Variants in SPRED1 observed in about 807,000 individuals in gnomAD.
SPRED1 encodes sprouty-related, EVH1 domain-containing protein 1.
A neutral mutation model predicts 52.3 loss-of-function variants in SPRED1; 18 were observed. The ratio of observed to expected loss-of-function variants is 0.34; its 90% CI spans 0.24 to 0.51. The LOEUF (loss-of-function observed/expected upper bound fraction) is 0.51. SPRED1 is among the 20% of genes least tolerant of loss of function. SPRED1 has a pLI of 0.97. For synonymous variants in SPRED1, 155 were observed against 179.7 expected, an observed-to-expected ratio of 0.86 and a Z score of 1.10; for missense variants, 485 against 551.0, an observed-to-expected ratio of 0.88 and a Z score of 1.20.
rs917624718 is a variant in SPRED1 at position 38,325,617 on chromosome 15, T to A, written c.423+808T>A. On this transcript the variant is annotated intron_variant, in intron 4 of 6. Coordinates refer to ENST00000299084, the MANE Select transcript of SPRED1 (RefSeq NM_152594.3). ...TTTTTTCTTATGCCTTTCAACTAAT[T>A]GCGTGAGGTCACCCACATTATGGAG... Among the ~76,000 whole-genome samples the A allele has an allele frequency of 3.3e-5, 5 of 152,256 alleles. No individual in the cohort carries two copies. The East Asian group carries it at 7.7e-4, about 24-fold the overall frequency.
At chr15:38,298,857 A>G (rs1424437424) in intron 1 of SPRED1, among the ~76,000 whole-genome samples, 7 of 152,332 alleles carry the variant, frequency 4.6e-5, no homozygotes, top group African/African-American at 1.4e-4. Context: ...TCAGATTCCC[A>G]GTTGGTAGAA....
chr15:38,255,838 G>A (rs1423623053), intron 1 of SPRED1, among the ~76,000 whole-genome samples: 2 of 151,990 alleles, frequency 1.3e-5, no homozygotes, highest in African/African-American at 2.4e-5. Flanking sequence ...TTTAATTACA[G>A]TAGGGACTAT....
At chr15:38,335,558 G>GTC (rs5812028) in intron 4 of SPRED1, among the ~76,000 whole-genome samples, 125,112 of 151,914 alleles carry the variant, frequency 0.82, 52,317 homozygotes, top group Non-Finnish European at 0.9. Flanking sequence ...GGTATAGTAT[G>GTC]TCTCAGTTAA....
At chr15:38,325,605 C>A (rs1377395120) in intron 4 of SPRED1, among the ~76,000 whole-genome samples, 1 of 152,064 alleles carries the variant, frequency 6.6e-6, no homozygotes, top group African/African-American at 2.4e-5. Context: ...TTTCTTATGC[C>A]TTTCAACTAA....
At chr15:38,332,824 G>A (rs1159704138) in intron 4 of SPRED1, among the ~76,000 whole-genome samples, 2 of 152,138 alleles carry the variant, frequency 1.3e-5, no homozygotes, top group Non-Finnish European at 2.9e-5. Context: ...TGCCGTGACT[G>A]GGTAGCTTAT....
At chr15:38,313,755 T>A (rs1895415735) in intron 2 of SPRED1, among the ~76,000 whole-genome samples, 1 of 151,770 alleles carries the variant, frequency 6.6e-6, no homozygotes. Context: ...TAATACATTT[T>A]TGGGTTTATT....
intron 2 of SPRED1, among the ~76,000 whole-genome samples, chr15:38,308,496 A>G (rs1895296283): frequency 6.6e-6 from 1 of 152,214 alleles, no homozygotes; most frequent in Non-Finnish European, 1.5e-5. Context: ...TTATCACCAC[A>G]TCTATTTCCG....
chr15:38,254,044 T>A (rs986962465), intron 1 of SPRED1, among the ~76,000 whole-genome samples: 14 of 152,216 alleles, frequency 9.2e-5, no homozygotes. Context: ...ATACTTCGTC[T>A]TTTAAATGTT....
intron 1 of SPRED1, among the ~76,000 whole-genome samples, chr15:38,270,095 C>T (rs1001920258): frequency 4.0e-5 from 6 of 151,860 alleles, no homozygotes; most frequent in South Asian, 2.1e-4. Flanking sequence ...TTAATAGAGA[C>T]GGGGTTTCAA....
chr15:38,328,090 C>T (rs1288607430), intron 4 of SPRED1, among the ~76,000 whole-genome samples: 1 of 152,120 alleles, frequency 6.6e-6, no homozygotes, highest in Admixed American at 6.6e-5. Flanking sequence ...TGTTAAGTTT[C>T]ATAATTCATC....
chr15:38,293,751 A>T (rs1894972256), intron 1 of SPRED1, among the ~76,000 whole-genome samples: 1 of 151,976 alleles, frequency 6.6e-6, no homozygotes, highest in African/African-American at 2.4e-5. Flanking sequence ...GTCAACTACT[A>T]TTTTCTTTCT....
chr15:38,348,028 G>T (rs1428523955), intron 5 of SPRED1, among the ~76,000 whole-genome samples: 1 of 151,996 alleles, frequency 6.6e-6, no homozygotes, highest in African/African-American at 2.4e-5. Context: ...GTGTGTATGT[G>T]TTTAAGTGGT....
intron 4 of SPRED1, among the ~76,000 whole-genome samples, chr15:38,332,335 A>T (rs1399021906): frequency 2.6e-5 from 4 of 152,132 alleles, no homozygotes; most frequent in African/African-American, 9.7e-5. Flanking sequence ...GCAGTTTGGG[A>T]GGATGAGATG....
At position 38,354,262 on chromosome 15, in the gene SPRED1, C is replaced by A. The variant is rs189861748; in HGVS notation, c.*2598C>A. The A allele has an allele frequency of 9.2e-5, 14 of 152,330 alleles. No individual in the cohort carries two copies. Among genetic ancestry groups the A allele is most frequent in the African/African-American group, 3.1e-4 (13 of 41,582 alleles). 9.4% of individuals were successfully genotyped at this position (152,330 alleles called of 1,614,324 possible). A position where few individuals can be genotyped will look rare whatever the true frequency, so the allele number is the denominator to read the frequency against. On this transcript the variant is annotated 3_prime_UTR_variant, in exon 7 of 7. Transcript: ENST00000299084. ...GCACCTTCAGGAACATTTTCTCATT[C>A]TCTGTACAGATTCGGCACTGCCAAT...
At chr15:38,305,066 C>T (rs1369555939) in intron 2 of SPRED1, among the ~76,000 whole-genome samples, 1 of 152,110 alleles carries the variant, frequency 6.6e-6, no homozygotes, top group Non-Finnish European at 1.5e-5. Context: ...CGGTGGCTCA[C>T]ACCTGTAATC....
chr15:38,304,822 T>C (rs1284031238), intron 2 of SPRED1, among the ~76,000 whole-genome samples: 1 of 152,220 alleles, frequency 6.6e-6, no homozygotes, highest in Admixed American at 6.5e-5. Context: ...TCTTCGCTAT[T>C]ACATTGTGCC....
At chr15:38,295,789 T>G (rs1248485221) in intron 1 of SPRED1, among the ~76,000 whole-genome samples, 2 of 152,172 alleles carry the variant, frequency 1.3e-5, no homozygotes, top group African/African-American at 4.8e-5. Context: ...CTTATAAATA[T>G]TACAAAAACT....
intron 1 of SPRED1, among the ~76,000 whole-genome samples, chr15:38,273,763 G>A (rs1359108119): frequency 6.6e-5 from 10 of 152,010 alleles, no homozygotes; most frequent in Non-Finnish European, 1.3e-4. Context: ...TCATGTAAAT[G>A]GCCCAAACTG....
At position 38,254,419 on chromosome 15, in the gene SPRED1, C is replaced by A. The variant is rs137955119; in HGVS notation, c.32+1202C>A. On this transcript the variant is annotated intron_variant, in intron 1 of 6. Coordinates refer to ENST00000299084, the MANE Select transcript of SPRED1 (RefSeq NM_152594.3). ...GGGTGTAGAAGGAGGTACATTGCTG[C>A]AGTGTCAGTGCAGTGTAGAAGCAGA... Among the ~76,000 whole-genome samples, 81 of 152,190 alleles carry A rather than the reference C, an allele frequency of 5.3e-4. 1 individual carries two copies. Among genetic ancestry groups the A allele is most frequent in the African/African-American group, 2.0e-3 (81 of 41,506 alleles).
Sources: gnomAD v4.1 joint callset for allele counts (sites outside exome capture counted in the v4.1 genomes callset) on GRCh38, gnomAD v4.1.1 for gene constraint, MANE v1.5 for transcripts, NCBI Gene and HGNC (gene_info 2026-07-23, HGNC 2026-07-21) for gene names.